Variants in NMBR observed in about 807,000 individuals in gnomAD.
NMBR encodes neuromedin B receptor.
In NMBR, 16 loss-of-function variants were observed where a neutral mutation model predicts 20.5. The ratio of observed to expected loss-of-function variants is 0.78; its 90% CI spans 0.53 to 1.19. The LOEUF (loss-of-function observed/expected upper bound fraction) is 1.19. Among genes scored for constraint, NMBR ranks in the 50% most tolerant of loss-of-function variants. NMBR has a pLI of 0.00. For missense variants in NMBR, 582 were observed against 499.1 expected (o/e 1.17, Z -1.58); for synonymous variants, 212 against 196.6 (o/e 1.08, Z -0.65).
intron 1 of NMBR, among the ~76,000 whole-genome samples, chr6:142,099,199 T>C (rs953279878): frequency 2.0e-5 from 3 of 152,148 alleles, no homozygotes; most frequent in African/African-American, 7.2e-5. Context: ...ACAAAAATTA[T>C]AAAATTCCTG....
chr6:142,120,454 A>T (rs559412123), intron 1 of NMBR, among the ~76,000 whole-genome samples: 3 of 152,084 alleles, frequency 2.0e-5, no homozygotes, highest in African/African-American at 7.2e-5. Context: ...ATGGTACTAT[A>T]GAGGTAGAAG....
At chr6:142,079,054 G>C in intron 2 of NMBR, 151 bp from the exon 3 acceptor site, 1 of 423,232 alleles carries the variant, frequency 2.4e-6, no homozygotes, top group Non-Finnish European at 4.1e-6. Flanking sequence ...GAAAGAAAGA[G>C]AGAAAGAGAG....
At chr6:142,085,329 G>A (rs1180068866) in intron 2 of NMBR, among the ~76,000 whole-genome samples, 5 of 152,160 alleles carry the variant, frequency 3.3e-5, no homozygotes, top group Non-Finnish European at 7.3e-5. Context: ...TTCGAGACCA[G>A]CCTGGCCAAC....
rs1776916922 is a variant in NMBR at position 142,075,581 on chromosome 6, T to C, written c.*67A>G. On this transcript the variant is annotated 3_prime_UTR_variant, in exon 4 of 4. Coordinates refer to ENST00000258042, the MANE Select transcript of NMBR (RefSeq NM_002511.4). ...AAATTAGCTAAGCAACAGCAAGTTC[T>C]GATCTGCCGAATAGGAATTTTAACA... is the stretch of plus-strand genomic sequence containing the variant. 10 of 1,450,020 alleles carry C rather than the reference T, an allele frequency of 6.9e-6. No individual in the cohort carries two copies. Among genetic ancestry groups the C allele is most frequent in the Non-Finnish European group, 9.3e-6 (10 of 1,078,692 alleles). The allele number at this position is 1,450,020 out of a possible 1,614,324, so 89.8% of individuals were successfully genotyped here.
intron 1 of NMBR, among the ~76,000 whole-genome samples, chr6:142,126,190 T>C (rs541029155): frequency 6.6e-6 from 1 of 151,744 alleles, no homozygotes; most frequent in East Asian, 2.0e-4. Flanking sequence ...CATAATGTCC[T>C]TCATTTTCAT....
intron 1 of NMBR, among the ~76,000 whole-genome samples, chr6:142,100,697 A>G (rs1777543756): frequency 1.3e-5 from 2 of 152,174 alleles, no homozygotes; most frequent in Admixed American, 6.6e-5. Context: ...GTAATCTATG[A>G]CTGAGTAATC....
chr6:142,130,529 G>A (rs184278366), intron 1 of NMBR, among the ~76,000 whole-genome samples: 85 of 152,244 alleles, frequency 5.6e-4, no homozygotes, highest in African/African-American at 1.3e-3. Context: ...GTAAATGTAT[G>A]TGTAGAGAGA....
rs982963738 is a variant in NMBR, at chr6:142,088,679, C to T, written c.-21G>A. On this transcript the variant is annotated 5_prime_UTR_variant, in exon 2 of 4. Coordinates refer to ENST00000258042, the MANE Select transcript of NMBR (RefSeq NM_002511.4). ...GGCATGATCTCCTTTCCAGCAGAGT[C>T]CGCTGGAGTTTTCACGCGCTCCGGT... 2.5e-6 allele frequency: 4 copies of T among 1,582,912 alleles called. No homozygotes were observed. The highest frequency in any genetic ancestry group is 3.4e-6 in the Non-Finnish European group (4 of 1,169,226).
intron 1 of NMBR, among the ~76,000 whole-genome samples, chr6:142,123,220 G>A (rs1028042888): frequency 7.9e-5 from 12 of 151,944 alleles, no homozygotes; most frequent in Non-Finnish European, 1.8e-4. Context: ...AGTAGAGGAA[G>A]TAACTGCAGA....
At chr6:142,107,246 T>A (rs1777679211) in intron 1 of NMBR, among the ~76,000 whole-genome samples, 1 of 151,746 alleles carries the variant, frequency 6.6e-6, no homozygotes. Flanking sequence ...TATTCCACAA[T>A]AAAAAAACAA....
In NMBR at chr6:142,075,549, G is replaced by T. The variant is rs1776916276; in HGVS notation, c.*99C>A. On this transcript the variant is annotated 3_prime_UTR_variant, in exon 4 of 4. Coordinates refer to ENST00000258042, the MANE Select transcript of NMBR (RefSeq NM_002511.4). ...CATTTTCTGAGTCAATCATGCAATT[G>T]CCTAATAAATTAGCTAAGCAACAGC... 4 of 1,151,502 alleles carry T rather than the reference G, an allele frequency of 3.5e-6. No individual in the cohort carries two copies. Among genetic ancestry groups the T allele is most frequent in the Non-Finnish European group, 4.9e-6 (4 of 817,058 alleles). The allele number at this position is 1,151,502 out of a possible 1,614,324, so 71.3% of individuals were successfully genotyped here. A position where few individuals can be genotyped will look rare whatever the true frequency, so the allele number is the denominator to read the frequency against.
chr6:142,091,221 A>G (rs1055615424), intron 1 of NMBR, among the ~76,000 whole-genome samples: 2 of 152,124 alleles, frequency 1.3e-5, no homozygotes, highest in Admixed American at 1.3e-4. Flanking sequence ...GGAATGAAAC[A>G]CTATTTGTTT....
intron 1 of NMBR, chr6:142,134,422 C>A: frequency 2.3e-6 from 1 of 442,168 alleles, no homozygotes; most frequent in East Asian, 3.4e-5. Context: ...TTTTATGAAA[C>A]TTGGAATTTT....
intron 2 of NMBR, among the ~76,000 whole-genome samples, chr6:142,087,833 G>T (rs75727780): frequency 0.032 from 4,905 of 152,058 alleles, 245 homozygotes; most frequent in African/African-American, 0.11. Context: ...TTACCTATTA[G>T]ATTCTTACTC....
intron 1 of NMBR, among the ~76,000 whole-genome samples, chr6:142,093,796 A>G (rs1051690820): frequency 2.0e-5 from 3 of 152,074 alleles, no homozygotes; most frequent in Non-Finnish European, 4.4e-5. Flanking sequence ...CTATTTTTCC[A>G]CATCCTCTCC....
intron 1 of NMBR, chr6:142,133,012 G>T: frequency 2.1e-6 from 1 of 474,494 alleles, no homozygotes; most frequent in African/African-American, 1.9e-5. Flanking sequence ...TAAGAGTAAA[G>T]GAGGAGGGGA....
intron 1 of NMBR, among the ~76,000 whole-genome samples, chr6:142,124,038 A>T (rs533840255): frequency 6.6e-6 from 1 of 152,074 alleles, no homozygotes; most frequent in East Asian, 1.9e-4. Context: ...AGGATCAGTT[A>T]CCTTCGAAAC....
At chr6:142,132,880 G>A (rs1360341613) in intron 1 of NMBR, among the ~76,000 whole-genome samples, 1 of 152,096 alleles carries the variant, frequency 6.6e-6, no homozygotes, top group Non-Finnish European at 1.5e-5. Flanking sequence ...CTGGCTGGCT[G>A]GCTATGCTGA....
chr6:142,131,985 A>T (rs776724784), intron 1 of NMBR, among the ~76,000 whole-genome samples: 2 of 152,220 alleles, frequency 1.3e-5, no homozygotes, highest in Non-Finnish European at 2.9e-5. Context: ...CAAACCTGAA[A>T]TTCTGATTCT....
Sources: gnomAD v4.1 joint callset for allele counts (sites outside exome capture counted in the v4.1 genomes callset) on GRCh38, gnomAD v4.1.1 for gene constraint, MANE v1.5 for transcripts, NCBI Gene and HGNC (gene_info 2026-07-23, HGNC 2026-07-21) for gene names.